TRDN: variants seen among roughly 807,000 people sequenced by gnomAD.
TRDN encodes triadin in skeletal muscle.
Under a neutral mutation model 149.7 loss-of-function variants are expected in TRDN, and 161 were observed. The observed-to-expected ratio is 1.08, with a 90% CI of 0.95 to 1.23. The LOEUF (loss-of-function observed/expected upper bound fraction) is 1.23. TRDN is among the 50% of genes most tolerant of loss of function. The pLI, the probability that TRDN is intolerant of heterozygous loss-of-function variation, is 0.00. For missense variants in TRDN, 896 were observed against 823.5 expected, an observed-to-expected ratio of 1.09 and a Z score of -1.08; for synonymous variants, 294 against 250.5, an observed-to-expected ratio of 1.17 and a Z score of -1.64.
intron 1 of TRDN, among the ~76,000 whole-genome samples, chr6:123,615,488 G>A (rs1344771430): frequency 1.3e-5 from 2 of 151,978 alleles, no homozygotes; most frequent in Non-Finnish European, 2.9e-5. Context: ...GTGTGTATGT[G>A]TGTGTGTGTA....
intron 39 of TRDN, among the ~76,000 whole-genome samples, chr6:123,221,851 T>A (rs1231678416): frequency 6.6e-6 from 1 of 151,866 alleles, no homozygotes; most frequent in Admixed American, 6.6e-5. Flanking sequence ...GGATCTTTGA[T>A]GCTCAGAATT....
chr6:123,537,475 T>C (rs1295454512), intron 4 of TRDN, among the ~76,000 whole-genome samples: 2 of 152,178 alleles, frequency 1.3e-5, no homozygotes, highest in Admixed American at 1.3e-4. Context: ...TGACGTGTGC[T>C]GAATGTCCCA....
chr6:123,427,448 CT>C (rs1330857509), intron 12 of TRDN, among the ~76,000 whole-genome samples: 1 of 152,060 alleles, frequency 6.6e-6, no homozygotes, highest in African/African-American at 2.4e-5. Context: ...TGTAAGTCTT[CT>C]TAAATGTAAT....
intron 9 of TRDN, among the ~76,000 whole-genome samples, chr6:123,472,720 C>T (rs996594315): frequency 9.2e-5 from 14 of 152,184 alleles, no homozygotes; most frequent in South Asian, 2.1e-4. Flanking sequence ...TCTCCCAGCA[C>T]GCAGCTGGAG....
chr6:123,615,418 A>G (rs761353972), intron 1 of TRDN, among the ~76,000 whole-genome samples: 1 of 152,136 alleles, frequency 6.6e-6, no homozygotes, highest in Non-Finnish European at 1.5e-5. Context: ...CCACAGATGA[A>G]TGAAGAAAGC....
At chr6:123,422,380 T>C (rs1181651184) in intron 12 of TRDN, among the ~76,000 whole-genome samples, 2 of 152,090 alleles carry the variant, frequency 1.3e-5, no homozygotes, top group African/African-American at 2.4e-5. Flanking sequence ...AGAAGCAATC[T>C]TGTTACAAGG....
chr6:123,266,786 T>A (rs1777020479), intron 32 of TRDN, among the ~76,000 whole-genome samples: 1 of 132,026 alleles, frequency 7.6e-6, no homozygotes, highest in South Asian at 2.2e-4. Flanking sequence ...ATATTATATA[T>A]GTTATATATT....
intron 12 of TRDN, among the ~76,000 whole-genome samples, chr6:123,431,135 A>T (rs1395612923): frequency 1.3e-5 from 2 of 152,184 alleles, no homozygotes; most frequent in African/African-American, 4.8e-5. Flanking sequence ...CAGTGTTTTT[A>T]ACACAGTCAA....
At chr6:123,619,703 C>T (rs1280728724) in intron 1 of TRDN, among the ~76,000 whole-genome samples, 1 of 152,158 alleles carries the variant, frequency 6.6e-6, no homozygotes, top group Non-Finnish European at 1.5e-5. Context: ...TTGAAAAATA[C>T]AATCTGTCAC....
rs991254689 is a variant in TRDN, at chr6:123,366,765, G to A, written c.1274-583C>T. On this transcript the variant is annotated intron_variant, in intron 19 of 40. Coordinates refer to ENST00000334268, the MANE Select transcript of TRDN (RefSeq NM_006073.4). ...ACTCCTGACCTCAGGTGATCCGCCC[G>A]CCTCAGCCTCCCAAAGTGCTGGGAT... Among the ~76,000 whole-genome samples the A allele has an allele frequency of 2.6e-4, 39 of 152,134 alleles. 1 individual carries two copies. Among genetic ancestry groups the A allele is most frequent in the African/African-American group, 8.7e-4 (36 of 41,504 alleles).
At chr6:123,420,384 AT>A (rs755955611) in intron 12 of TRDN, among the ~76,000 whole-genome samples, 49 of 105,412 alleles carry the variant, frequency 4.6e-4, no homozygotes, top group South Asian at 8.8e-4. Context: ...AGATGCAAGG[AT>A]TTTTTTAAAA....
Position 123,337,629 on chromosome 6 carries a change from CA to C in TRDN, c.1409del (p.Leu470ArgfsTer18). 4.9e-6 allele frequency: 7 copies of C among 1,418,434 alleles called. No individual in the cohort carries two copies. Among genetic ancestry groups the C allele is most frequent in the Non-Finnish European group, 6.6e-6 (7 of 1,056,160 alleles). 87.9% of individuals were successfully genotyped at this position (1,418,434 alleles called of 1,614,324 possible). A position where few individuals can be genotyped will look rare whatever the true frequency, so the allele number is the denominator to read the frequency against. ...AATTAACTCTGTTACCTTTATCTTTCAGAATTGAAGAAGTCTTCCCAGATTT... is the reference window on the plus strand; with the variant it reads ...AATTAACTCTGTTACCTTTATCTTTCGAATTGAAGAAGTCTTCCCAGATTT... ...KEKSGKTSSI[L>X]KDKEPIKGKE... On this transcript the variant is annotated frameshift_variant, in exon 22 of 41. Transcript: ENST00000334268. LOFTEE classifies it high-confidence loss of function.
At chr6:123,289,811 G>T (rs1259537980) in intron 24 of TRDN, among the ~76,000 whole-genome samples, 1 of 152,068 alleles carries the variant, frequency 6.6e-6, no homozygotes, top group Non-Finnish European at 1.5e-5. Flanking sequence ...TGTCTAGGAT[G>T]CCCAGACAAG....
intron 24 of TRDN, among the ~76,000 whole-genome samples, chr6:123,282,768 G>A (rs556410746): frequency 6.6e-6 from 1 of 151,790 alleles, no homozygotes. Flanking sequence ...CCTCAACAGA[G>A]ATTTATTATA....
intron 4 of TRDN, among the ~76,000 whole-genome samples, chr6:123,539,276 AT>A (rs1780704727): frequency 6.6e-6 from 1 of 152,180 alleles, no homozygotes; most frequent in African/African-American, 2.4e-5. Flanking sequence ...GCAGATTTTA[AT>A]TCATTATGTC....
intron 1 of TRDN, among the ~76,000 whole-genome samples, chr6:123,632,574 T>C (rs79177622): frequency 0.033 from 5,017 of 152,178 alleles, 281 homozygotes; most frequent in African/African-American, 0.11. Context: ...CTTTCTAATG[T>C]CAGTTTTAAA....
intron 10 of TRDN, among the ~76,000 whole-genome samples, chr6:123,455,155 AT>A (rs1214279943): frequency 1.2e-4 from 19 of 152,322 alleles, no homozygotes; most frequent in Middle Eastern, 3.4e-3. Context: ...ATATTTCTGA[AT>A]TTAGTATGCA....
intron 21 of TRDN, among the ~76,000 whole-genome samples, chr6:123,338,021 C>A (rs1191528404): frequency 1.3e-5 from 2 of 152,258 alleles, no homozygotes; most frequent in East Asian, 1.9e-4. Context: ...TCATTCAGTG[C>A]TCACAACTCC....
At chr6:123,522,265 C>T (rs1323622304) in intron 5 of TRDN, among the ~76,000 whole-genome samples, 1 of 152,104 alleles carries the variant, frequency 6.6e-6, no homozygotes, top group Non-Finnish European at 1.5e-5. Flanking sequence ...AAAAAGTTCA[C>T]ATATTTAGTT....
Sources: allele counts gnomAD v4.1 joint callset (sites outside exome capture counted in the v4.1 genomes callset), GRCh38; gene constraint gnomAD v4.1.1; transcripts MANE v1.5; gene names NCBI Gene and HGNC (gene_info 2026-07-23, HGNC 2026-07-21).